Variants in GSE1 observed in about 807,000 individuals in gnomAD.
The protein encoded by GSE1 is genetic suppressor element 1.
Under a neutral mutation model 112.6 loss-of-function variants are expected in GSE1, and 32 were observed. That is an observed-to-expected ratio of 0.28 (90% CI 0.21 to 0.38). The LOEUF is 0.38. Among genes scored for constraint, GSE1 ranks in the 10% least tolerant of loss-of-function variants. The probability of loss-of-function intolerance (pLI) is 1.00; values close to 1 mark genes in which losing one functional copy is unlikely to be tolerated. For missense variants in GSE1, 2,348 were observed against 1,699.2 expected, an observed-to-expected ratio of 1.38 and a Z score of -6.71; for synonymous variants, 1,115 against 735.6, an observed-to-expected ratio of 1.52 and a Z score of -8.35.
intron 1 of GSE1, among the ~76,000 whole-genome samples, chr16:85,269,493 G>A (rs909751842): frequency 6.7e-6 from 1 of 148,842 alleles, no homozygotes; most frequent in South Asian, 2.1e-4. Context: ...TGTGTTCTAC[G>A]GAGGTAACAA....
At chr16:85,242,230 T>A (rs1415898470) in intron 1 of GSE1, among the ~76,000 whole-genome samples, 2 of 152,116 alleles carry the variant, frequency 1.3e-5, no homozygotes, top group South Asian at 2.1e-4. Flanking sequence ...TCCACAAGCT[T>A]CAGTATCCTC....
chr16:85,236,188 G>T (rs945773961), intron 1 of GSE1, among the ~76,000 whole-genome samples: 10 of 152,198 alleles, frequency 6.6e-5, no homozygotes, highest in Non-Finnish European at 1.5e-4. Flanking sequence ...GGCTGGGACC[G>T]GCTCTTGGGG....
chr16:85,261,173 A>T (rs1907647096), intron 1 of GSE1, among the ~76,000 whole-genome samples: 1 of 152,174 alleles, frequency 6.6e-6, no homozygotes. Context: ...GGGCTGCCGC[A>T]TCCCAGCTCG....
chr16:85,424,369 G>T (rs961936929), intron 2 of GSE1, among the ~76,000 whole-genome samples: 2 of 152,220 alleles, frequency 1.3e-5, no homozygotes, highest in African/African-American at 4.8e-5. Context: ...TCATGGGGAG[G>T]CTGGGGGCTT....
chr16:85,200,814 T>C (rs946720746), intron 1 of GSE1, among the ~76,000 whole-genome samples: 20 of 152,198 alleles, frequency 1.3e-4, no homozygotes, highest in Non-Finnish European at 2.5e-4. Context: ...CACAGTGCTG[T>C]GCAGCCACCA....
chr16:85,197,761 C>G (rs889570644), intron 1 of GSE1, among the ~76,000 whole-genome samples: 1 of 152,164 alleles, frequency 6.6e-6, no homozygotes, highest in African/African-American at 2.4e-5. Flanking sequence ...TCCTCGTTGG[C>G]CAAGGGACCT....
intron 2 of GSE1, among the ~76,000 whole-genome samples, chr16:85,361,310 C>T (rs1486114142): frequency 1.1e-5 from 1 of 87,496 alleles, no homozygotes; most frequent in Non-Finnish European, 2.2e-5. Flanking sequence ...GAGACAGGCA[C>T]AGACCCCCCC....
At chr16:85,320,587 G>A (rs892684382) in intron 1 of GSE1, among the ~76,000 whole-genome samples, 4 of 152,064 alleles carry the variant, frequency 2.6e-5, no homozygotes, top group African/African-American at 4.8e-5. Context: ...GAGCCACCAC[G>A]CCCGGCCTGT....
At chr16:85,606,177 G>C (rs1168591733) in intron 1 of GSE1, among the ~76,000 whole-genome samples, 1 of 152,192 alleles carries the variant, frequency 6.6e-6, no homozygotes, top group Admixed American at 6.5e-5. Flanking sequence ...TTTTATAAAA[G>C]CCTGCTAAAA....
chr16:85,660,545 T>C (rs1049820022), intron 8 of GSE1, among the ~76,000 whole-genome samples: 2 of 152,088 alleles, frequency 1.3e-5, no homozygotes, highest in African/African-American at 4.8e-5. Context: ...AGGCTGAAGC[T>C]GGAGAAGCGC....
intron 2 of GSE1, among the ~76,000 whole-genome samples, chr16:85,535,591 T>C (rs1360172170): frequency 6.6e-6 from 1 of 152,076 alleles, no homozygotes; most frequent in Non-Finnish European, 1.5e-5. Context: ...GGTGTGACAG[T>C]TGGCTGATAA....
intron 2 of GSE1, among the ~76,000 whole-genome samples, chr16:85,467,332 G>A (rs925297819): frequency 1.3e-5 from 2 of 152,240 alleles, no homozygotes; most frequent in African/African-American, 4.8e-5. Flanking sequence ...TAAATATGGT[G>A]GCACCTGTCT....
chr16:85,224,729 C>A (rs957640115), intron 1 of GSE1, among the ~76,000 whole-genome samples: 1 of 152,080 alleles, frequency 6.6e-6, no homozygotes, highest in Non-Finnish European at 1.5e-5. Flanking sequence ...GTGGCTCACG[C>A]CTGTAATCCC....
chr16:85,331,427 ATATG>A, intron 1 of GSE1, among the ~76,000 whole-genome samples: 1 of 137,028 alleles, frequency 7.3e-6, no homozygotes, highest in African/African-American at 2.7e-5. Flanking sequence ...ATATATGTAT[ATATG>A]TATATATATG....
At chr16:85,459,001 T>A (rs981152638) in intron 2 of GSE1, among the ~76,000 whole-genome samples, 6 of 152,162 alleles carry the variant, frequency 3.9e-5, no homozygotes, top group Non-Finnish European at 8.8e-5. Flanking sequence ...CTCTCAGGAG[T>A]ATTGGCCGCT....
At chr16:85,292,795 A>G (rs1217493302) in intron 1 of GSE1, among the ~76,000 whole-genome samples, 1 of 152,190 alleles carries the variant, frequency 6.6e-6, no homozygotes, top group African/African-American at 2.4e-5. Flanking sequence ...GTTCGGGGGC[A>G]TTTCACACAT....
chr16:85,188,255 AC>A (rs2074748972), intron 1 of GSE1, among the ~76,000 whole-genome samples: 1 of 138,772 alleles, frequency 7.2e-6, no homozygotes, highest in Non-Finnish European at 1.6e-5. Flanking sequence ...GTCAGCGGGC[AC>A]CTGCTGCCTG....
At chr16:85,371,100 T>A (rs2047289411) in intron 2 of GSE1, among the ~76,000 whole-genome samples, 1 of 152,164 alleles carries the variant, frequency 6.6e-6, no homozygotes, top group Non-Finnish European at 1.5e-5. Context: ...AGGCGTCCTC[T>A]TCTCCTCCCA....
intron 1 of GSE1, among the ~76,000 whole-genome samples, chr16:85,301,725 C>T (rs944220856): frequency 5.9e-5 from 9 of 152,228 alleles, no homozygotes; most frequent in Admixed American, 2.6e-4. Flanking sequence ...GGTCCCCTCC[C>T]AGGGCAGGGC....
Sources: gnomAD v4.1 joint callset for allele counts (sites outside exome capture counted in the v4.1 genomes callset) on GRCh38, gnomAD v4.1.1 for gene constraint, MANE v1.5 for transcripts, NCBI Gene and HGNC (gene_info 2026-07-23, HGNC 2026-07-21) for gene names.